The following ZDHHC17 variants were observed in gnomAD, a reference collection of about 807,000 sequenced individuals.
ZDHHC17 encodes the protein zDHHC palmitoyltransferase 17.
A neutral mutation model predicts 90.3 loss-of-function variants in ZDHHC17; 40 were observed. That is an observed-to-expected ratio of 0.44 (90% confidence interval 0.34 to 0.58). The LOEUF (loss-of-function observed/expected upper bound fraction) is 0.58, where lower values mean the gene tolerates loss of function less well. ZDHHC17 is among the 20% of genes least tolerant of loss of function. The pLI, the probability that ZDHHC17 is intolerant of heterozygous loss-of-function variation, is 0.01. For missense variants in ZDHHC17, 614 were observed against 780.8 expected, an observed-to-expected ratio of 0.79 and a Z score of 2.55; for synonymous variants, 235 against 252.4, an observed-to-expected ratio of 0.93 and a Z score of 0.65.
chr12:76,766,147 A>G (rs1405267338), intron 1 of ZDHHC17, among the ~76,000 whole-genome samples: 1 of 152,268 alleles, frequency 6.6e-6, no homozygotes, highest in Non-Finnish European at 1.5e-5. Context: ...CTTGAAATTT[A>G]GCTACCGATC....
At chr12:76,784,086 C>T (rs143297291) in intron 1 of ZDHHC17, among the ~76,000 whole-genome samples, 7 of 152,232 alleles carry the variant, frequency 4.6e-5, no homozygotes, top group African/African-American at 1.2e-4. Flanking sequence ...AAATTTGTGG[C>T]GATTTATTAG....
rs530168466 is a variant in ZDHHC17, at chr12:76,827,614, G to A, written c.1040+564G>A. On this transcript the variant is annotated intron_variant, in intron 9 of 16. Coordinates refer to ENST00000426126, the MANE Select transcript of ZDHHC17 (RefSeq NM_015336.4). Reference sequence around the variant, plus strand: ...CTATCCAACAAACCTAGACAGGTGTGTGATCCAGAATTTCCCATCTAATTT... The same window carrying A: ...CTATCCAACAAACCTAGACAGGTGTATGATCCAGAATTTCCCATCTAATTT... Among the ~76,000 whole-genome samples the A allele has an allele frequency of 4.6e-5, 7 of 152,144 alleles. No individual in the cohort carries two copies. In the South Asian group the frequency reaches 1.5e-3, roughly 32 times the overall value.
Position 76,797,437 on chromosome 12 carries a change from A to G in ZDHHC17, c.97A>G (p.Ile33Val), listed in dbSNP as rs771811704. The part of the protein sequence containing the change: ...GCVPLLHPEE[I>V]KPQSHYNHGY... ...TGTGTGATTTTCTTTTTAACAGGAAATCAAACCCCAAAGCCATTATAACCA... is the reference window on the plus strand; with the variant it reads ...TGTGTGATTTTCTTTTTAACAGGAAGTCAAACCCCAAAGCCATTATAACCA... Residue 33 changes from isoleucine to valine, a missense_variant, in exon 2 of 17, where the codon ATC becomes GTC. This residue lies in a region of ZDHHC17 where 358 missense variants were observed against 380.4 expected (regional missense o/e 0.94). Coordinates refer to ENST00000426126, the MANE Select transcript of ZDHHC17 (RefSeq NM_015336.4). 6.3e-7 allele frequency: 1 copy of G among 1,592,660 alleles called. No homozygotes were observed. The highest frequency in any genetic ancestry group is 8.5e-7 in the Non-Finnish European group (1 of 1,172,546).
intron 1 of ZDHHC17, among the ~76,000 whole-genome samples, chr12:76,793,412 C>T (rs779024194): frequency 2.6e-4 from 40 of 152,128 alleles, no homozygotes; most frequent in Non-Finnish European, 4.3e-4. Context: ...CCCAGCTACT[C>T]AGGAAGCTGA....
chr12:76,802,136 T>G (rs1952898813), intron 2 of ZDHHC17, among the ~76,000 whole-genome samples: 1 of 152,216 alleles, frequency 6.6e-6, no homozygotes, highest in Non-Finnish European at 1.5e-5. Context: ...GCAGGGCAGG[T>G]CCAGTGGTAA....
intron 1 of ZDHHC17, among the ~76,000 whole-genome samples, chr12:76,769,501 A>G (rs1420435951): frequency 6.6e-6 from 1 of 152,200 alleles, no homozygotes; most frequent in Non-Finnish European, 1.5e-5. Context: ...AGCAGATACA[A>G]AATGACTTTG....
At chr12:76,822,371 C>T (rs1380356657) in intron 7 of ZDHHC17, 35 bp from the exon 8 acceptor site, 1 of 1,604,892 alleles carries the variant, frequency 6.2e-7, no homozygotes, top group African/African-American at 1.3e-5. Flanking sequence ...TGCTTTTAAA[C>T]TTTTAATAGG....
chr12:76,812,289 C>T (rs952571782), intron 5 of ZDHHC17, among the ~76,000 whole-genome samples: 1 of 152,112 alleles, frequency 6.6e-6, no homozygotes, highest in African/African-American at 2.4e-5. Context: ...GCCATCTCCC[C>T]ATCATCACTC....
chr12:76,771,080 G>C (rs1952486577), intron 1 of ZDHHC17, among the ~76,000 whole-genome samples: 1 of 152,036 alleles, frequency 6.6e-6, no homozygotes, highest in Non-Finnish European at 1.5e-5. Flanking sequence ...TTTTATTACA[G>C]ATGGATAATT....
intron 2 of ZDHHC17, among the ~76,000 whole-genome samples, chr12:76,800,791 C>G (rs928914664): frequency 1.3e-5 from 2 of 150,456 alleles, no homozygotes; most frequent in African/African-American, 2.4e-5. Flanking sequence ...TTACCCCAGT[C>G]TGTTCTGCCA....
At chr12:76,789,633 A>G (rs1458942573) in intron 1 of ZDHHC17, among the ~76,000 whole-genome samples, 1 of 152,192 alleles carries the variant, frequency 6.6e-6, no homozygotes, top group African/African-American at 2.4e-5. Context: ...TGTGAGTACT[A>G]TGATTATAGA....
At chr12:76,834,823 C>T (rs1007866509) in intron 10 of ZDHHC17, among the ~76,000 whole-genome samples, 5 of 152,158 alleles carry the variant, frequency 3.3e-5, no homozygotes, top group African/African-American at 1.2e-4. Context: ...CAGTTGCAGT[C>T]TCAACCTTGA....
intron 8 of ZDHHC17, among the ~76,000 whole-genome samples, chr12:76,826,116 G>C (rs1953227305): frequency 6.6e-6 from 1 of 152,164 alleles, no homozygotes; most frequent in South Asian, 2.1e-4. Flanking sequence ...ACCATGCCCT[G>C]CCTTGAATAT....
At chr12:76,847,923 A>G (rs911401519) in intron 14 of ZDHHC17, among the ~76,000 whole-genome samples, 14 of 152,122 alleles carry the variant, frequency 9.2e-5, no homozygotes, top group African/African-American at 3.1e-4. Flanking sequence ...TCTCTTTCAT[A>G]TATCCTCTCA....
At chr12:76,764,364 C>T in intron 1 of ZDHHC17, 35 bp downstream of exon 1, 1 of 1,536,738 alleles carries the variant, frequency 6.5e-7, no homozygotes. Context: ...CCTTGCCCTG[C>T]GGCCCTCCAG....
chr12:76,817,800 A>C (rs1026882206), intron 7 of ZDHHC17, among the ~76,000 whole-genome samples: 2 of 152,138 alleles, frequency 1.3e-5, no homozygotes, highest in Admixed American at 6.5e-5. Context: ...AAGAGTAGAG[A>C]TATTTAAAAT....
At chr12:76,837,853 A>C (rs78920157) in intron 10 of ZDHHC17, among the ~76,000 whole-genome samples, 1 of 151,910 alleles carries the variant, frequency 6.6e-6, no homozygotes, top group Non-Finnish European at 1.5e-5. Flanking sequence ...AGGTCTCACT[A>C]TGTTGGCCAG....
intron 3 of ZDHHC17, among the ~76,000 whole-genome samples, chr12:76,806,755 C>T (rs1952958973): frequency 6.6e-6 from 1 of 152,212 alleles, no homozygotes; most frequent in South Asian, 2.1e-4. Context: ...ACAGGCAGTT[C>T]AACTACCCTG....
chr12:76,847,905 C>CA (rs965398510), intron 14 of ZDHHC17, among the ~76,000 whole-genome samples: 2 of 151,858 alleles, frequency 1.3e-5, no homozygotes, highest in African/African-American at 4.8e-5. Flanking sequence ...TGCCCTCTTT[C>CA]AAAAAAATCT....
Sources: allele counts gnomAD v4.1 joint callset (sites outside exome capture counted in the v4.1 genomes callset), GRCh38; gene constraint gnomAD v4.1.1; regional missense constraint gnomAD v4.1.1; transcripts MANE v1.5; gene names NCBI Gene and HGNC (gene_info 2026-07-23, HGNC 2026-07-21).